FAM184B: variants seen among roughly 807,000 people sequenced by gnomAD.
The protein encoded by FAM184B is family with sequence similarity 184 member B.
In FAM184B, 111 loss-of-function variants were observed where a neutral mutation model predicts 135.9. That is an observed-to-expected ratio of 0.82 (90% CI 0.70 to 0.96). FAM184B has a LOEUF of 0.96. Ranked by LOEUF, FAM184B falls within the 40% of genes least tolerant of loss-of-function variation. FAM184B has a pLI of 0.00. For synonymous variants in FAM184B, 552 were observed against 524.8 expected (o/e 1.05, Z -0.71); for missense variants, 1,375 against 1,323.9 (o/e 1.04, Z -0.60).
At chr4:17,645,313 C>T (rs895540622) in intron 12 of FAM184B, among the ~76,000 whole-genome samples, 1 of 152,188 alleles carries the variant, frequency 6.6e-6, no homozygotes, top group African/African-American at 2.4e-5. Flanking sequence ...ATCATGCTAC[C>T]TGACTTCAAA....
chr4:17,676,884 G>T (rs1716321653), intron 7 of FAM184B, among the ~76,000 whole-genome samples: 1 of 152,130 alleles, frequency 6.6e-6, no homozygotes, highest in Non-Finnish European at 1.5e-5. Flanking sequence ...AAGGTGTATA[G>T]TGGGCTACAC....
At chr4:17,657,884 T>C (rs1048851909) in intron 10 of FAM184B, among the ~76,000 whole-genome samples, 7 of 152,080 alleles carry the variant, frequency 4.6e-5, no homozygotes, top group African/African-American at 1.7e-4. Context: ...CTCGGACTGC[T>C]GACCTCAGGT....
In FAM184B at chr4:17,690,870, G is replaced by A. The variant is rs542149975; in HGVS notation, c.1489-2339C>T. 2.6e-5 allele frequency among the ~76,000 whole-genome samples: 4 copies of A among 152,282 alleles called. No individual in the cohort carries two copies. The East Asian group carries it at 5.8e-4, about 22-fold the overall frequency. On this transcript the variant is annotated intron_variant, in intron 6 of 17. Coordinates refer to ENST00000265018, the MANE Select transcript of FAM184B (RefSeq NM_015688.2). The stretch of plus-strand genomic sequence containing the variant: ...GACAAGGATCGGGTGTGATGATAGG[G>A]CAGGATTGTGACTAGGGGTGAGGAT...
At chr4:17,726,006 C>T (rs1186462440) in intron 1 of FAM184B, among the ~76,000 whole-genome samples, 2 of 151,928 alleles carry the variant, frequency 1.3e-5, no homozygotes, top group African/African-American at 4.8e-5. Flanking sequence ...TCACTGTAAG[C>T]TCCGCCTCCC....
At chr4:17,693,964 A>G (rs1716796369) in intron 5 of FAM184B, among the ~76,000 whole-genome samples, 1 of 152,120 alleles carries the variant, frequency 6.6e-6, no homozygotes, top group Non-Finnish European at 1.5e-5. Flanking sequence ...AAACAAATAC[A>G]TAAATAAAAT....
chr4:17,684,945 G>T (rs1716542747), intron 7 of FAM184B, among the ~76,000 whole-genome samples: 1 of 152,074 alleles, frequency 6.6e-6, no homozygotes, highest in South Asian at 2.1e-4. Context: ...CACACGAACA[G>T]AAAACCAAAC....
chr4:17,662,093 G>A (rs1560170833), intron 8 of FAM184B, among the ~76,000 whole-genome samples: 1 of 152,082 alleles, frequency 6.6e-6, no homozygotes, highest in Non-Finnish European at 1.5e-5. Flanking sequence ...ACAGAATCAC[G>A]TGGGATGCAT....
chr4:17,670,325 C>T (rs1200117047), intron 7 of FAM184B, among the ~76,000 whole-genome samples: 1 of 152,190 alleles, frequency 6.6e-6, no homozygotes, highest in Non-Finnish European at 1.5e-5. Context: ...ACCAACACAT[C>T]TAAAAGCTGG....
In FAM184B at chr4:17,632,608, G is replaced by C; in HGVS notation, c.3107C>G (p.Thr1036Arg). ...KTATRTPDGE[T>R]AQAKEVQQKQ... ...CTGCTGGACTTCTTTGGCTTGGGCC[G>C]TTTCACCATCTGGGGTCCTAAAAGC... Residue 1036 changes from threonine to arginine, a missense_variant, in exon 18 of 18, where the codon ACG becomes AGG. Thr to Arg is a moderately conservative substitution (Grantham distance 71). Transcript: ENST00000265018. 1 of 1,550,176 alleles carries C rather than the reference G, an allele frequency of 6.5e-7. No homozygotes were observed. The highest frequency in any genetic ancestry group is 8.7e-7 in the Non-Finnish European group (1 of 1,146,346).
chr4:17,652,985 TGTGGGAAAAA>T lies in FAM184B; in HGVS notation c.2038-12_2038-3del. ...CTTCTTCAAGCGTTCCTCTGTGGCC[TGTGGGAAAAA>T]GTGGGAACAAGAAGGCATGAAAGTG... On this transcript the variant is annotated splice_region_variant and splice_polypyrimidine_tract_variant and intron_variant, in intron 10 of 17. Coordinates refer to ENST00000265018, the MANE Select transcript of FAM184B (RefSeq NM_015688.2). 1.9e-6 allele frequency: 3 copies of T among 1,551,300 alleles called. No individual in the cohort carries two copies. Among genetic ancestry groups the T allele is most frequent in the Non-Finnish European group, 2.6e-6 (3 of 1,146,716 alleles).
In FAM184B at chr4:17,708,683, A is replaced by C. The variant is rs1435835548; in HGVS notation, c.894+209T>G. On this transcript the variant is annotated intron_variant, in intron 2 of 17. Coordinates refer to ENST00000265018, the MANE Select transcript of FAM184B (RefSeq NM_015688.2). ...CAAAACTATATATATATATATATATATATATATATATATATATATATATAT... is the reference window on the plus strand; with the variant it reads ...CAAAACTATATATATATATATATATCTATATATATATATATATATATATAT... 1.4e-4 allele frequency among the ~76,000 whole-genome samples: 6 copies of C among 42,356 alleles called. 1 individual carries two copies. The highest frequency in any genetic ancestry group is 3.1e-4 in the African/African-American group (3 of 9,802). 27.8% of individuals were successfully genotyped at this position (42,356 alleles called of 152,430 possible). A position where few individuals can be genotyped will look rare whatever the true frequency, so the allele number is the denominator to read the frequency against.
chr4:17,777,581 CTT>C (rs1334803196), intron 1 of FAM184B, among the ~76,000 whole-genome samples: 3 of 152,132 alleles, frequency 2.0e-5, no homozygotes, highest in South Asian at 4.2e-4. Context: ...ATTCAAAAAA[CTT>C]AATAGATGGG....
At chr4:17,689,915 G>A (rs183523752) in intron 6 of FAM184B, among the ~76,000 whole-genome samples, 4 of 152,162 alleles carry the variant, frequency 2.6e-5, no homozygotes, top group African/African-American at 7.2e-5. Context: ...TTGGGAGGCC[G>A]AGGTGGACAG....
intron 1 of FAM184B, among the ~76,000 whole-genome samples, chr4:17,711,068 T>C (rs1717256220): frequency 6.6e-6 from 1 of 152,084 alleles, no homozygotes; most frequent in Admixed American, 6.6e-5. Context: ...ATCCAGAAGT[T>C]GAAGCCAGGC....
At chr4:17,766,758 C>T (rs947892839) in intron 1 of FAM184B, among the ~76,000 whole-genome samples, 22 of 152,372 alleles carry the variant, frequency 1.4e-4, no homozygotes, top group African/African-American at 5.0e-4. Flanking sequence ...TAGAGGATCC[C>T]GCACCGGGGC....
intron 5 of FAM184B, among the ~76,000 whole-genome samples, chr4:17,701,369 T>G (rs1325722909): frequency 6.6e-6 from 1 of 152,228 alleles, no homozygotes; most frequent in Non-Finnish European, 1.5e-5. Flanking sequence ...ATATCCAACT[T>G]TAGTTGTGTT....
At chr4:17,655,840 T>C (rs185814398) in intron 10 of FAM184B, among the ~76,000 whole-genome samples, 44 of 152,372 alleles carry the variant, frequency 2.9e-4, no homozygotes, top group African/African-American at 9.9e-4. Context: ...AGCCATGCAC[T>C]GTTCTAAGTA....
chr4:17,677,844 C>A (rs1185569385), intron 7 of FAM184B, among the ~76,000 whole-genome samples: 2 of 152,092 alleles, frequency 1.3e-5, no homozygotes, highest in Non-Finnish European at 2.9e-5. Context: ...GGTTTCATAC[C>A]AGGGATGCGG....
intron 7 of FAM184B, among the ~76,000 whole-genome samples, chr4:17,680,079 AC>A (rs1230290765): frequency 1.3e-5 from 2 of 152,222 alleles, no homozygotes; most frequent in African/African-American, 4.8e-5. Context: ...TACAGTGTAC[AC>A]TGCACAGGTG....
Sources: allele counts gnomAD v4.1 joint callset (sites outside exome capture counted in the v4.1 genomes callset), GRCh38; gene constraint gnomAD v4.1.1; transcripts MANE v1.5; gene names NCBI Gene and HGNC (gene_info 2026-07-23, HGNC 2026-07-21).